EYA4: variants seen among roughly 807,000 people sequenced by gnomAD.
EYA4 encodes protein phosphatase EYA4.
In EYA4, 31 loss-of-function variants were observed where a neutral mutation model predicts 87.9. That is an observed-to-expected ratio of 0.35 (90% CI 0.27 to 0.48). EYA4 has a LOEUF of 0.48. Among genes scored for constraint, EYA4 ranks in the 20% least tolerant of loss-of-function variants. EYA4 has a pLI of 0.99. For missense variants in EYA4, 678 were observed against 761.4 expected, an observed-to-expected ratio of 0.89 and a Z score of 1.29; for synonymous variants, 263 against 270.6, an observed-to-expected ratio of 0.97 and a Z score of 0.28.
chr6:133,446,578 A>C (rs1179924570), intron 3 of EYA4, 52 bp from the exon 4 acceptor site: 1 of 1,609,228 alleles, frequency 6.2e-7, no homozygotes, highest in Non-Finnish European at 8.5e-7. Context: ...TAATCTATTA[A>C]AAAATAACTG....
chr6:133,348,261 GTTTTTTTT>G (rs35905853), intron 2 of EYA4, among the ~76,000 whole-genome samples: 3 of 68,782 alleles, frequency 4.4e-5, no homozygotes, highest in Non-Finnish European at 7.9e-5. Context: ...TCTTCAAGTA[GTTTTTTTT>G]TTTTTTTTTT....
rs1562431794 is a variant in EYA4, at chr6:133,446,718, C to A, written c.172C>A (p.Leu58Ile). Residue 58 changes from leucine (L) to isoleucine (I), a missense_variant, in exon 4 of 20, where the codon CTC becomes ATC. Leu to Ile is a conservative substitution (Grantham distance 5). Coordinates refer to ENST00000355286, the MANE Select transcript of EYA4 (RefSeq NM_004100.5). The stretch of plus-strand genomic sequence containing the variant: ...TAGCTCCAAACTGGAAAAATCTAAT[C>A]TCAGCAGCACATCAGTTACTACAAA... ...PGSSKLEKSNLSSTSVTTNGT... is the reference protein window; with the variant it reads ...PGSSKLEKSNISSTSVTTNGT... The A allele has an allele frequency of 6.2e-7, 1 of 1,613,990 alleles. No homozygotes were observed. The highest frequency in any genetic ancestry group is 1.3e-5 in the African/African-American group (1 of 75,040).
intron 3 of EYA4, among the ~76,000 whole-genome samples, chr6:133,394,286 T>TTTTTTTTTG (rs1787582108): frequency 4.1e-4 from 6 of 14,710 alleles, no homozygotes; most frequent in African/African-American, 5.9e-4. Context: ...AAGCTTGTGT[T>TTTTTTTTTG]TTTTTTTTTT....
intron 13 of EYA4, among the ~76,000 whole-genome samples, chr6:133,494,483 T>C (rs1251006338): frequency 6.6e-6 from 1 of 152,000 alleles, no homozygotes; most frequent in Non-Finnish European, 1.5e-5. Flanking sequence ...ATGAATAACA[T>C]CTAGTATTTG....
intron 2 of EYA4, among the ~76,000 whole-genome samples, chr6:133,281,617 A>G (rs888867532): frequency 2.9e-5 from 4 of 136,384 alleles, no homozygotes; most frequent in Non-Finnish European, 6.1e-5. Context: ...ATTTTTTTTT[A>G]AACTTCAACT....
At chr6:133,528,581 G>A (rs1046823366) in intron 19 of EYA4, 144 bp from the exon 20 acceptor site, 6 of 770,850 alleles carry the variant, frequency 7.8e-6, no homozygotes, top group Admixed American at 3.4e-5. Context: ...TGATCATCCC[G>A]CCTTTAAACT....
intron 3 of EYA4, chr6:133,434,939 A>G (rs1397289823): frequency 6.6e-6 from 1 of 152,206 alleles, no homozygotes; most frequent in Non-Finnish European, 1.5e-5. Flanking sequence ...TGCTTCATTA[A>G]TGATGGTTTG....
At chr6:133,524,963 T>C (rs1339806307) in intron 18 of EYA4, 191 bp from the exon 19 acceptor site, 3 of 1,445,422 alleles carry the variant, frequency 2.1e-6, no homozygotes, top group Admixed American at 3.4e-5. Context: ...TTATGAATCT[T>C]TAGGTTAATG....
chr6:133,292,844 G>A (rs1778598889), intron 2 of EYA4, among the ~76,000 whole-genome samples: 1 of 152,156 alleles, frequency 6.6e-6, no homozygotes, highest in Admixed American at 6.5e-5. Flanking sequence ...GTGTTTATAT[G>A]TTAAAGCTTG....
intron 11 of EYA4, among the ~76,000 whole-genome samples, chr6:133,477,828 A>G (rs1382195570): frequency 6.7e-6 from 1 of 149,388 alleles, no homozygotes; most frequent in East Asian, 2.0e-4. Context: ...ACACACACAC[A>G]CACACGCATA....
At chr6:133,474,571 A>G (rs566760713) in intron 11 of EYA4, among the ~76,000 whole-genome samples, 79 of 152,244 alleles carry the variant, frequency 5.2e-4, no homozygotes, top group African/African-American at 1.8e-3. Flanking sequence ...GAATTTAAAG[A>G]AGGAATTAAT....
intron 3 of EYA4, among the ~76,000 whole-genome samples, chr6:133,382,713 T>C (rs533337770): frequency 7.9e-5 from 12 of 152,172 alleles, no homozygotes; most frequent in African/African-American, 2.6e-4. Context: ...TTAATGTTCA[T>C]TTTTTTGTTC....
chr6:133,368,504 G>A (rs1225481405), intron 2 of EYA4, among the ~76,000 whole-genome samples: 1 of 152,124 alleles, frequency 6.6e-6, no homozygotes, highest in Non-Finnish European at 1.5e-5. Context: ...ATTTAAAAAA[G>A]CATATTCAGT....
chr6:133,412,388 C>G (rs1039039253), intron 3 of EYA4, among the ~76,000 whole-genome samples: 2 of 152,136 alleles, frequency 1.3e-5, no homozygotes, highest in Admixed American at 1.3e-4. Context: ...GAGAAGACAT[C>G]GAATGTGATC....
In EYA4 at chr6:133,482,944, C is replaced by T; in HGVS notation, c.1108-88C>T. The T allele has an allele frequency of 3.7e-6, 4 of 1,079,720 alleles. No homozygotes were observed. In the East Asian group the frequency reaches 9.9e-5, roughly 27 times the overall value. 66.9% of individuals were successfully genotyped at this position (1,079,720 alleles called of 1,614,324 possible). ...TTCTATTAAATGATATCAAGATGATCTCTAGGAAGGGAGACATTTTCTGCT... is the reference window on the plus strand; with the variant it reads ...TTCTATTAAATGATATCAAGATGATTTCTAGGAAGGGAGACATTTTCTGCT... On this transcript the variant is annotated intron_variant, in intron 12 of 19. Coordinates refer to ENST00000355286, the MANE Select transcript of EYA4 (RefSeq NM_004100.5).
At chr6:133,261,442 C>T (rs1339532797) in intron 1 of EYA4, among the ~76,000 whole-genome samples, 1 of 152,056 alleles carries the variant, frequency 6.6e-6, no homozygotes, top group Non-Finnish European at 1.5e-5. Flanking sequence ...TTCACATGTC[C>T]GTCTATAATT....
chr6:133,338,763 A>T (rs1562305661), intron 2 of EYA4, among the ~76,000 whole-genome samples: 1 of 152,208 alleles, frequency 6.6e-6, no homozygotes, highest in African/African-American at 2.4e-5. Flanking sequence ...AGAAGAGGTA[A>T]CAATTTTAGT....
intron 3 of EYA4, among the ~76,000 whole-genome samples, chr6:133,425,175 A>T (rs1049704597): frequency 6.6e-6 from 1 of 150,762 alleles, no homozygotes; most frequent in Non-Finnish European, 1.5e-5. Flanking sequence ...AAGAATATAT[A>T]TATGCGCCTA....
At chr6:133,401,297 A>G (rs1016793502) in intron 3 of EYA4, among the ~76,000 whole-genome samples, 2 of 152,170 alleles carry the variant, frequency 1.3e-5, no homozygotes, top group African/African-American at 4.8e-5. Flanking sequence ...GTACAAATAT[A>G]AATTAGATAG....
Sources: gnomAD v4.1 joint callset for allele counts (sites outside exome capture counted in the v4.1 genomes callset) on GRCh38, gnomAD v4.1.1 for gene constraint, MANE v1.5 for transcripts, NCBI Gene and HGNC (gene_info 2026-07-23, HGNC 2026-07-21) for gene names.